XKR4: variants seen among roughly 807,000 people sequenced by gnomAD.
XKR4 encodes XK related 4.
Under a neutral mutation model 53.9 loss-of-function variants are expected in XKR4, and 12 were observed. That is an observed-to-expected ratio of 0.22 (90% confidence interval 0.14 to 0.36). The LOEUF is 0.36. Ranked by LOEUF, XKR4 falls within the 10% of genes least tolerant of loss-of-function variation. The pLI is 1.00. For synonymous variants in XKR4, 354 were observed against 362.4 expected, an observed-to-expected ratio of 0.98 and a Z score of 0.26; for missense variants, 799 against 859.5, an observed-to-expected ratio of 0.93 and a Z score of 0.88.
At chr8:55,242,531 T>C (rs1255347524) in intron 1 of XKR4, among the ~76,000 whole-genome samples, 1 of 152,180 alleles carries the variant, frequency 6.6e-6, no homozygotes, top group Non-Finnish European at 1.5e-5. Flanking sequence ...AAATTGGATA[T>C]AGAGTAAATA....
intron 1 of XKR4, among the ~76,000 whole-genome samples, chr8:55,118,504 C>T (rs931421352): frequency 4.6e-5 from 7 of 152,166 alleles, no homozygotes; most frequent in African/African-American, 1.7e-4. Flanking sequence ...CCTCCTAAGA[C>T]CTATCTCAGA....
intron 1 of XKR4, among the ~76,000 whole-genome samples, chr8:55,348,352 C>T (rs894721141): frequency 7.9e-5 from 12 of 152,212 alleles, no homozygotes; most frequent in African/African-American, 2.9e-4. Context: ...AATCCCCACA[C>T]AGCCTGTGAG....
chr8:55,279,701 A>G (rs527521005), intron 1 of XKR4, among the ~76,000 whole-genome samples: 24 of 152,164 alleles, frequency 1.6e-4, no homozygotes, highest in Non-Finnish European at 3.1e-4. Context: ...CTCTGGGGAC[A>G]GCTGTTCGCC....
intron 2 of XKR4, among the ~76,000 whole-genome samples, chr8:55,386,535 G>A (rs1012919194): frequency 1.3e-5 from 2 of 152,138 alleles, no homozygotes; most frequent in East Asian, 3.9e-4. Context: ...TCCTAATTGA[G>A]GATTCAATAA....
At chr8:55,112,374 A>G (rs1816244182) in intron 1 of XKR4, among the ~76,000 whole-genome samples, 1 of 151,956 alleles carries the variant, frequency 6.6e-6, no homozygotes, top group Admixed American at 6.6e-5. Context: ...CCACTTGAAA[A>G]AGACTTGAGA....
chr8:55,506,029 A>G (rs989909268), intron 2 of XKR4, among the ~76,000 whole-genome samples: 3 of 152,240 alleles, frequency 2.0e-5, no homozygotes, highest in African/African-American at 7.2e-5. Context: ...AAATGTGTGC[A>G]AATGCTTTAA....
chr8:55,426,011 A>G (rs1319252347), intron 2 of XKR4, among the ~76,000 whole-genome samples: 1 of 151,998 alleles, frequency 6.6e-6, no homozygotes, highest in Non-Finnish European at 1.5e-5. Flanking sequence ...CTCACATTTT[A>G]CTTCCCTCCT....
chr8:55,481,070 A>T (rs1470800798), intron 2 of XKR4, among the ~76,000 whole-genome samples: 1 of 152,190 alleles, frequency 6.6e-6, no homozygotes. Context: ...TATGGAACCA[A>T]AAAAGAGCCC....
At chr8:55,272,748 G>T (rs1436647696) in intron 1 of XKR4, among the ~76,000 whole-genome samples, 1 of 152,178 alleles carries the variant, frequency 6.6e-6, no homozygotes, top group Non-Finnish European at 1.5e-5. Flanking sequence ...CTTAAAACTT[G>T]CTACCAATGA....
chr8:55,438,268 G>T (rs143237963), intron 2 of XKR4, among the ~76,000 whole-genome samples: 36 of 152,214 alleles, frequency 2.4e-4, no homozygotes, highest in African/African-American at 8.4e-4. Flanking sequence ...CTGGCCTGAA[G>T]ATTATGAAAA....
intron 2 of XKR4, among the ~76,000 whole-genome samples, chr8:55,496,787 C>T (rs1376575201): frequency 2.0e-5 from 3 of 152,170 alleles, no homozygotes; most frequent in African/African-American, 7.2e-5. Context: ...AATTCATTTT[C>T]CTAGTTCAAC....
intron 2 of XKR4, among the ~76,000 whole-genome samples, chr8:55,410,421 A>G (rs1176026684): frequency 6.6e-6 from 1 of 152,148 alleles, no homozygotes; most frequent in Non-Finnish European, 1.5e-5. Flanking sequence ...GGAGCCTCAC[A>G]CATGTACAAG....
At chr8:55,327,296 G>T (rs1803308340) in intron 1 of XKR4, among the ~76,000 whole-genome samples, 1 of 150,096 alleles carries the variant, frequency 6.7e-6, no homozygotes, top group African/African-American at 2.5e-5. Context: ...CCCCCATTTA[G>T]AAAAATAAAA....
At chr8:55,146,834 T>G (rs1045453497) in intron 1 of XKR4, among the ~76,000 whole-genome samples, 3 of 152,210 alleles carry the variant, frequency 2.0e-5, no homozygotes, top group African/African-American at 7.2e-5. Flanking sequence ...GCTTCAGGGA[T>G]GTACCACCTT....
intron 1 of XKR4, among the ~76,000 whole-genome samples, chr8:55,207,640 ACACACACACG>A (rs1563483114): frequency 0.01 from 75 of 7,172 alleles, no homozygotes; most frequent in Non-Finnish European, 0.031. Flanking sequence ...GCGCGCGCAC[ACACACACACG>A]CGCACACACA....
chr8:55,530,626 T>A lies in XKR4; in HGVS notation c.*6399T>A, dbSNP rs1563374807. The A allele has an allele frequency of 6.6e-6, 1 of 152,206 alleles. No homozygotes were observed. Among genetic ancestry groups the A allele is most frequent in the Non-Finnish European group, 1.5e-5 (1 of 68,034 alleles). The allele number at this position is 152,206 out of a possible 1,614,324, so 9.4% of individuals were successfully genotyped here. ...TTTTCTCAACCCTGGTGTTTATTTT[T>A]AAAAAATCTTCAATGATCAATATGA... On this transcript the variant is annotated 3_prime_UTR_variant, in exon 3 of 3. Transcript: ENST00000327381.
intron 2 of XKR4, among the ~76,000 whole-genome samples, chr8:55,398,882 TATC>T (rs1232932958): frequency 6.6e-6 from 1 of 152,238 alleles, no homozygotes; most frequent in Non-Finnish European, 1.5e-5. Flanking sequence ...TTTCGAATAT[TATC>T]ATCTGAAAAA....
intron 1 of XKR4, among the ~76,000 whole-genome samples, chr8:55,114,191 G>A (rs1816273876): frequency 6.6e-6 from 1 of 152,132 alleles, no homozygotes; most frequent in East Asian, 1.9e-4. Flanking sequence ...ACTCCTGCCA[G>A]CAGTGTATGA....
chr8:55,435,738 A>T (rs1480092880), intron 2 of XKR4, among the ~76,000 whole-genome samples: 3 of 151,752 alleles, frequency 2.0e-5, no homozygotes, highest in Non-Finnish European at 4.4e-5. Flanking sequence ...CTAATTTTTT[A>T]AAAAATTTTT....
Sources: gnomAD v4.1 joint callset for allele counts (sites outside exome capture counted in the v4.1 genomes callset) on GRCh38, gnomAD v4.1.1 for gene constraint, MANE v1.5 for transcripts, NCBI Gene and HGNC (gene_info 2026-07-23, HGNC 2026-07-21) for gene names.